Variants in BICD1 observed in about 807,000 individuals in gnomAD.
BICD1 encodes the protein protein bicaudal D homolog 1.
In BICD1, 35 loss-of-function variants were observed where a neutral mutation model predicts 92.5. The observed-to-expected ratio is 0.38, with a 90% confidence interval of 0.29 to 0.50. The LOEUF is 0.50. Among genes scored for constraint, BICD1 ranks in the 20% least tolerant of loss-of-function variants. The pLI, the probability that BICD1 is intolerant of heterozygous loss-of-function variation, is 0.93. For missense variants in BICD1, 950 were observed against 1,189.8 expected, an observed-to-expected ratio of 0.80 and a Z score of 2.97; for synonymous variants, 429 against 465.1, an observed-to-expected ratio of 0.92 and a Z score of 1.00.
chr12:32,194,648 G>A (rs952923134), intron 1 of BICD1, among the ~76,000 whole-genome samples: 3 of 152,144 alleles, frequency 2.0e-5, no homozygotes, highest in East Asian at 1.9e-4. Flanking sequence ...TTGGGAGGCC[G>A]AGGGGGGTGG....
rs543268975 is a variant in BICD1, at chr12:32,125,547, T to C, written c.213+18003T>C. Among the ~76,000 whole-genome samples the C allele has an allele frequency of 4.5e-4, 68 of 152,358 alleles. 1 individual carries two copies. The South Asian group carries it at 8.3e-3, about 19-fold the overall frequency. On this transcript the variant is annotated intron_variant, in intron 1 of 9. Coordinates refer to ENST00000652176, the MANE Select transcript of BICD1 (RefSeq NM_001714.4). ...CAGGAGAGTGACATAATTAGCTTTA[T>C]GTTTTAAAGCGGATTTTTGACTTTA...
chr12:32,321,946 C>A (rs1489034925), intron 4 of BICD1, among the ~76,000 whole-genome samples: 1 of 152,054 alleles, frequency 6.6e-6, no homozygotes, highest in Non-Finnish European at 1.5e-5. Flanking sequence ...TTGCAGTGAG[C>A]CGAGATCACA....
At chr12:32,142,355 G>A (rs1942951343) in intron 1 of BICD1, among the ~76,000 whole-genome samples, 1 of 141,818 alleles carries the variant, frequency 7.1e-6, no homozygotes, top group Non-Finnish European at 1.5e-5. Flanking sequence ...GCAGTGAGCT[G>A]AGATCGTGTC....
intron 1 of BICD1, among the ~76,000 whole-genome samples, chr12:32,135,022 C>CCTCTTCTCCT (rs1942677652): frequency 7.4e-6 from 1 of 135,256 alleles, no homozygotes; most frequent in East Asian, 2.2e-4. Flanking sequence ...GTGAATGAGT[C>CCTCTTCTCCT]CTCCTCTCCT....
At chr12:32,156,800 A>G (rs915315203) in intron 1 of BICD1, among the ~76,000 whole-genome samples, 4 of 152,214 alleles carry the variant, frequency 2.6e-5, no homozygotes, top group Admixed American at 1.3e-4. Flanking sequence ...GCTTGGAACA[A>G]TCCTAGAAGC....
intron 4 of BICD1, among the ~76,000 whole-genome samples, chr12:32,320,152 A>AT (rs1188678162): frequency 1.3e-5 from 2 of 152,196 alleles, no homozygotes; most frequent in African/African-American, 4.8e-5. Flanking sequence ...CCGTTTGTGC[A>AT]TATCGATGCT....
intron 6 of BICD1, among the ~76,000 whole-genome samples, chr12:32,334,960 C>T (rs557884599): frequency 2.0e-5 from 3 of 152,188 alleles, no homozygotes; most frequent in Non-Finnish European, 4.4e-5. Flanking sequence ...CAAAGAGAGT[C>T]TCCCTCCAAA....
chr12:32,106,975 G>A lies in BICD1; in HGVS notation c.-357G>A, dbSNP rs757604982. On this transcript the variant is annotated 5_prime_UTR_variant, in exon 1 of 10. Transcript: ENST00000652176. ...GGCCCGGGAGACATGGCGGACGGGC[G>A]TCTCTGAATAAGCAGAATCCGGAGC... The A allele has an allele frequency of 2.5e-5, 6 of 242,678 alleles. No homozygotes were observed. Among genetic ancestry groups the A allele is most frequent in the African/African-American group, 4.7e-5 (2 of 42,728 alleles). The allele number at this position is 242,678 out of a possible 1,614,324, so 15.0% of individuals were successfully genotyped here.
chr12:32,331,705 A>G (rs1243774700), intron 5 of BICD1, among the ~76,000 whole-genome samples: 1 of 152,180 alleles, frequency 6.6e-6, no homozygotes, highest in African/African-American at 2.4e-5. Flanking sequence ...TCAGCACTCA[A>G]AAGGTTTCAG....
At position 32,328,525 on chromosome 12, in the gene BICD1, A is replaced by C; in HGVS notation, c.2070A>C (p.Thr690=). 1 of 1,613,350 alleles carries C rather than the reference A, an allele frequency of 6.2e-7. No homozygotes were observed. ...GCACCAAACGGGAGCAGATCGCCAC[A>C]TTGAGGGCGGTGTTGAAAGCCAACA... The part of the protein sequence containing the change: ...LLSTKREQIA[T]LRAVLKANKQ... The change falls in exon 5 of 10, where the codon ACA becomes ACC. Residue 690 remains threonine (T), a synonymous_variant. Coordinates refer to ENST00000652176, the MANE Select transcript of BICD1 (RefSeq NM_001714.4). This position sits in a 1 kb window ranked among gnomAD's most constrained non-coding sequence, Gnocchi z 4.4.
At chr12:32,290,989 G>A (rs892849945) in intron 2 of BICD1, among the ~76,000 whole-genome samples, 10 of 152,116 alleles carry the variant, frequency 6.6e-5, no homozygotes, top group Admixed American at 6.6e-4. Flanking sequence ...CTGAGCTAAC[G>A]CCACTACTTA....
At position 32,380,229 on chromosome 12, in the gene BICD1, A is replaced by G. The variant is rs1940133207; in HGVS notation, c.*2602A>G. ...CATTTAGTATAGTTTACACTGAGCC[A>G]TATTTATTTATAGGCATTTAAAGTG... On this transcript the variant is annotated 3_prime_UTR_variant, in exon 10 of 10. Coordinates refer to ENST00000652176, the MANE Select transcript of BICD1 (RefSeq NM_001714.4). The G allele has an allele frequency of 1.3e-5, 2 of 152,188 alleles. No homozygotes were observed. Among genetic ancestry groups the G allele is most frequent in the Admixed American group, 6.5e-5 (1 of 15,276 alleles). 9.4% of individuals were successfully genotyped at this position (152,188 alleles called of 1,614,324 possible).
At chr12:32,224,650 G>A (rs1338111824) in intron 2 of BICD1, among the ~76,000 whole-genome samples, 1 of 152,160 alleles carries the variant, frequency 6.6e-6, no homozygotes, top group Non-Finnish European at 1.5e-5. Context: ...TGTTTGTAAG[G>A]ATTAGTTTGC....
At position 32,252,104 on chromosome 12, in the gene BICD1, A is replaced by T. The variant is rs58117232; in HGVS notation, c.426+35645A>T. Among the ~76,000 whole-genome samples, 6 of 93,468 alleles carry T rather than the reference A, an allele frequency of 6.4e-5. 1 individual carries two copies. Among genetic ancestry groups the T allele is most frequent in the African/African-American group, 1.6e-4 (4 of 25,462 alleles). 61.3% of individuals were successfully genotyped at this position (93,468 alleles called of 152,430 possible). On this transcript the variant is annotated intron_variant, in intron 2 of 9. Transcript: ENST00000652176. ...TATTTATAAATATATATTTATAATA[A>T]ATATTATATATTATATATTTATAAT... is the stretch of plus-strand genomic sequence containing the variant.
At chr12:32,359,355 G>A (rs1297624095) in intron 8 of BICD1, among the ~76,000 whole-genome samples, 1 of 152,100 alleles carries the variant, frequency 6.6e-6, no homozygotes. Flanking sequence ...CAGTTATGGA[G>A]GCTGAGAAGT....
At chr12:32,140,466 TTTGTTG>T (rs760549533) in intron 1 of BICD1, among the ~76,000 whole-genome samples, 3 of 152,048 alleles carry the variant, frequency 2.0e-5, no homozygotes, top group African/African-American at 7.2e-5. Flanking sequence ...CAACATCTTG[TTTGTTG>T]TTGTTGTTGT....
intron 5 of BICD1, among the ~76,000 whole-genome samples, chr12:32,334,231 C>T (rs1032347392): frequency 2.3e-4 from 35 of 152,142 alleles, no homozygotes; most frequent in African/African-American, 8.0e-4. Flanking sequence ...CAGCAATCTG[C>T]ATTAAATATT....
At chr12:32,202,600 T>C (rs1944938114) in intron 1 of BICD1, among the ~76,000 whole-genome samples, 1 of 152,066 alleles carries the variant, frequency 6.6e-6, no homozygotes, top group Non-Finnish European at 1.5e-5. Context: ...ATTTCAAAGT[T>C]TATTGTTTAT....
chr12:32,366,132 G>T (rs1427463882), intron 8 of BICD1, among the ~76,000 whole-genome samples: 1 of 152,182 alleles, frequency 6.6e-6, no homozygotes, highest in African/African-American at 2.4e-5. Context: ...CAGTTTTAGT[G>T]TATTTCTGGA....
Sources: allele counts gnomAD v4.1 joint callset (sites outside exome capture counted in the v4.1 genomes callset), GRCh38; gene constraint gnomAD v4.1.1; non-coding constraint Gnocchi (gnomAD v3.1); transcripts MANE v1.5; gene names NCBI Gene and HGNC (gene_info 2026-07-23, HGNC 2026-07-21).